KALRN: variants seen among roughly 807,000 people sequenced by gnomAD.
KALRN encodes kalirin RhoGEF kinase.
Under a neutral mutation model 353.7 loss-of-function variants are expected in KALRN, and 70 were observed. The ratio of observed to expected loss-of-function variants is 0.20; its 90% CI spans 0.16 to 0.24. KALRN has a LOEUF of 0.24. KALRN is among the 10% of genes least tolerant of loss of function. The pLI is 1.00. For synonymous variants in KALRN, 1,391 were observed against 1,434.8 expected, an observed-to-expected ratio of 0.97 and a Z score of 0.69; for missense variants, 2,791 against 3,756.7, an observed-to-expected ratio of 0.74 and a Z score of 6.72.
At position 124,633,885 on chromosome 3, in the gene KALRN, G is replaced by A; in HGVS notation, c.5500G>A (p.Glu1834Lys). The A allele has an allele frequency of 6.2e-7, 1 of 1,614,062 alleles. No homozygotes were observed. Among genetic ancestry groups the A allele is most frequent in the Non-Finnish European group, 8.5e-7 (1 of 1,179,986 alleles). ...AGGTTGGGGTGAAGATGAGCCGGATGAAGAGTCACACACACCCCTCCCACC... is the reference window on the plus strand; with the variant it reads ...AGGTTGGGGTGAAGATGAGCCGGATAAAGAGTCACACACACCCCTCCCACC... ...KKGWGEDEPDEESHTPLPPPM... is the reference protein window; with the variant it reads ...KKGWGEDEPDKESHTPLPPPM... The change falls in exon 36 of 60, where the codon GAA becomes AAA. Residue 1834 changes from glutamate to lysine, a missense_variant. Glu to Lys is a moderately conservative substitution (Grantham distance 56). Coordinates refer to ENST00000682506, the MANE Select transcript of KALRN (RefSeq NM_001388419.1).
chr3:124,671,224 G>A (rs2086394405), intron 47 of KALRN, among the ~76,000 whole-genome samples: 1 of 152,080 alleles, frequency 6.6e-6, no homozygotes, highest in Non-Finnish European at 1.5e-5. Flanking sequence ...AGACTCATTG[G>A]ACTCACTTTC....
intron 48 of KALRN, among the ~76,000 whole-genome samples, chr3:124,673,660 G>C (rs2086794149): frequency 6.6e-6 from 1 of 150,886 alleles, no homozygotes; most frequent in Non-Finnish European, 1.5e-5. Flanking sequence ...AGAATTTCTG[G>C]CTCTTACCAT....
At chr3:124,190,943 G>C (rs2074833585) in intron 1 of KALRN, among the ~76,000 whole-genome samples, 1 of 152,222 alleles carries the variant, frequency 6.6e-6, no homozygotes, top group South Asian at 2.1e-4. Flanking sequence ...GCCCCAGGTT[G>C]TGACCTGTGC....
chr3:124,367,240 AC>A (rs778448230), intron 10 of KALRN, among the ~76,000 whole-genome samples: 3,427 of 12,348 alleles, frequency 0.28, 961 homozygotes, highest in East Asian at 0.94. Context: ...CGGGGGGCTG[AC>A]CCCCCCACTT....
chr3:124,279,712 C>G (rs910038853), intron 5 of KALRN, among the ~76,000 whole-genome samples: 1 of 152,252 alleles, frequency 6.6e-6, no homozygotes, highest in Non-Finnish European at 1.5e-5. Flanking sequence ...AAGCCAATCA[C>G]TGTGCCGAGT....
chr3:124,568,039 A>G (rs1340206943), intron 34 of KALRN, among the ~76,000 whole-genome samples: 1 of 152,216 alleles, frequency 6.6e-6, no homozygotes, highest in Non-Finnish European at 1.5e-5. Flanking sequence ...GTTGAGAACC[A>G]CTGCTTTGTG....
At chr3:124,666,397 T>G (rs1175187963) in intron 45 of KALRN, 52 bp from the exon 46 acceptor site, 1 of 1,560,476 alleles carries the variant, frequency 6.4e-7, no homozygotes, top group African/African-American at 1.4e-5. Flanking sequence ...CAGAGGGCAG[T>G]GGCTCGCTCC....
chr3:124,135,665 C>A (rs2065844929), intron 1 of KALRN, among the ~76,000 whole-genome samples: 2 of 150,100 alleles, frequency 1.3e-5, no homozygotes, highest in African/African-American at 5.1e-5. Context: ...AATCAAGATG[C>A]TGGGATTATG....
chr3:124,489,805 G>A (rs565780344), intron 29 of KALRN, among the ~76,000 whole-genome samples: 1 of 152,334 alleles, frequency 6.6e-6, no homozygotes, highest in Non-Finnish European at 1.5e-5. Context: ...CAGAATATCT[G>A]GGGAGGTTGG....
At chr3:124,366,625 C>A (rs1478897047) in intron 10 of KALRN, among the ~76,000 whole-genome samples, 1 of 151,704 alleles carries the variant, frequency 6.6e-6, no homozygotes, top group East Asian at 1.9e-4. Flanking sequence ...GACACGGCAA[C>A]CATCCGATTT....
chr3:124,093,810 C>A (rs999185530), intron 1 of KALRN, among the ~76,000 whole-genome samples: 4 of 152,090 alleles, frequency 2.6e-5, no homozygotes, highest in Non-Finnish European at 5.9e-5. Context: ...GGAAGTCTGC[C>A]TGGATTCTGT....
intron 14 of KALRN, among the ~76,000 whole-genome samples, chr3:124,421,768 A>G (rs2092793492): frequency 6.6e-6 from 1 of 152,182 alleles, no homozygotes; most frequent in South Asian, 2.1e-4. Context: ...TTATTTGATG[A>G]AGGCTACCTT....
intron 1 of KALRN, among the ~76,000 whole-genome samples, chr3:124,092,904 A>G (rs1284682231): frequency 6.6e-6 from 1 of 152,164 alleles, no homozygotes; most frequent in Admixed American, 6.5e-5. Flanking sequence ...GTGAAGGGAG[A>G]AACACCGGGT....
At chr3:124,044,164 C>T (rs2040214027) in intron 1 of KALRN, among the ~76,000 whole-genome samples, 1 of 152,128 alleles carries the variant, frequency 6.6e-6, no homozygotes, top group African/African-American at 2.4e-5. Flanking sequence ...AACACTCCTT[C>T]CACCCCTTGT....
chr3:124,307,211 A>G (rs2077787083), intron 6 of KALRN, among the ~76,000 whole-genome samples: 1 of 152,136 alleles, frequency 6.6e-6, no homozygotes, highest in South Asian at 2.1e-4. Flanking sequence ...AAAATGTAAT[A>G]TGTTTTCCAG....
chr3:124,150,844 G>C (rs1452478656), intron 1 of KALRN, among the ~76,000 whole-genome samples: 1 of 152,116 alleles, frequency 6.6e-6, no homozygotes. Context: ...TAGAACATTA[G>C]CCCCTGCAGG....
chr3:124,501,823 C>G (rs1216924228), intron 33 of KALRN, among the ~76,000 whole-genome samples: 1 of 152,250 alleles, frequency 6.6e-6, no homozygotes, highest in African/African-American at 2.4e-5. Context: ...AGAAGCTGTT[C>G]TCCATGCTAG....
intron 37 of KALRN, 46 bp from the exon 38 acceptor site, chr3:124,650,762 A>G (rs200348360): frequency 8.7e-5 from 137 of 1,582,416 alleles, no homozygotes; most frequent in Non-Finnish European, 2.7e-5. Context: ...ATTCCAAATG[A>G]CTTTTCAAAG....
intron 33 of KALRN, among the ~76,000 whole-genome samples, chr3:124,555,958 A>G (rs2071190684): frequency 6.6e-6 from 1 of 152,174 alleles, no homozygotes; most frequent in Admixed American, 6.5e-5. Flanking sequence ...TCAATATAGA[A>G]ACTACTCTAT....
Sources: allele counts gnomAD v4.1 joint callset (sites outside exome capture counted in the v4.1 genomes callset), GRCh38; gene constraint gnomAD v4.1.1; transcripts MANE v1.5; gene names NCBI Gene and HGNC (gene_info 2026-07-23, HGNC 2026-07-21).